Variants in DENND2B observed in about 807,000 individuals in gnomAD.
The protein encoded by DENND2B is DENN domain-containing protein 2B.
Under a neutral mutation model 116.0 loss-of-function variants are expected in DENND2B, and 32 were observed. The ratio of observed to expected loss-of-function variants is 0.28; its 90% CI spans 0.21 to 0.37. DENND2B has a LOEUF of 0.37. Ranked by LOEUF, DENND2B falls within the 10% of genes least tolerant of loss-of-function variation. The pLI, the probability that DENND2B is intolerant of heterozygous loss-of-function variation, is 1.00. For missense variants in DENND2B, 1,276 were observed against 1,477.7 expected (o/e 0.86, Z 2.24); for synonymous variants, 588 against 583.9 (o/e 1.01, Z -0.10).
In DENND2B at chr11:8,778,720, T is replaced by C. The variant is rs1196658364; in HGVS notation, c.-25-27995A>G. On this transcript the variant is annotated intron_variant, in intron 1 of 19. Coordinates refer to ENST00000313726, the MANE Select transcript of DENND2B (RefSeq NM_213618.2). Reference sequence around the variant, plus strand: ...CCACATTAGTCACTGCTGCATGGGGTGCCGGCCATCACCTCTCTCTCTTCT... The same window carrying C: ...CCACATTAGTCACTGCTGCATGGGGCGCCGGCCATCACCTCTCTCTCTTCT... Among the ~76,000 whole-genome samples the C allele has an allele frequency of 7.2e-5, 11 of 152,166 alleles. No individual in the cohort carries two copies. In the East Asian group the frequency reaches 2.1e-3, roughly 29 times the overall value.
chr11:8,744,904 C>T (rs1225768150), intron 2 of DENND2B, among the ~76,000 whole-genome samples: 1 of 149,182 alleles, frequency 6.7e-6, no homozygotes, highest in Non-Finnish European at 1.5e-5. Flanking sequence ...CCCCAAAAGT[C>T]TCATCTACAT....
intron 4 of DENND2B, among the ~76,000 whole-genome samples, chr11:8,721,594 C>A (rs1272113634): frequency 1.3e-5 from 2 of 152,184 alleles, no homozygotes; most frequent in Non-Finnish European, 2.9e-5. Flanking sequence ...GGATAAGAGC[C>A]CAACTCCCTG....
At chr11:8,695,361 T>G in intron 19 of DENND2B, 102 bp downstream of exon 19, 1 of 1,097,504 alleles carries the variant, frequency 9.1e-7, no homozygotes. Flanking sequence ...ACAGCCCCAG[T>G]ATAACACCTG....
intron 3 of DENND2B, among the ~76,000 whole-genome samples, chr11:8,849,439 G>A (rs1342367209): frequency 7.3e-6 from 1 of 137,604 alleles, no homozygotes; most frequent in Non-Finnish European, 1.5e-5. Context: ...GTTGCCATGA[G>A]CCGAGATCAC....
At chr11:8,699,094 T>C (rs1396965471) in intron 15 of DENND2B, 119 bp downstream of exon 15, 39 of 1,530,044 alleles carry the variant, frequency 2.5e-5, no homozygotes, top group South Asian at 6.3e-5. Context: ...CAGCCGGGGA[T>C]AGACCTCCCA....
At chr11:8,853,854 A>AT (rs944351158) in intron 3 of DENND2B, among the ~76,000 whole-genome samples, 66 of 146,022 alleles carry the variant, frequency 4.5e-4, no homozygotes, top group East Asian at 7.9e-4. Flanking sequence ...TATATTTTTA[A>AT]TTTTTTTTTT....
intron 1 of DENND2B, among the ~76,000 whole-genome samples, chr11:8,886,846 T>C (rs2063966575): frequency 6.6e-6 from 1 of 152,084 alleles, no homozygotes; most frequent in South Asian, 2.1e-4. Context: ...GGCAGGGGTG[T>C]AGACAGAGTT....
chr11:8,883,979 C>A (rs139769378), intron 1 of DENND2B, among the ~76,000 whole-genome samples: 4 of 152,316 alleles, frequency 2.6e-5, no homozygotes, highest in African/African-American at 4.8e-5. Flanking sequence ...TCCAGTACTG[C>A]CCTCAATGGT....
chr11:8,896,220 A>C (rs2064099821), intron 1 of DENND2B, among the ~76,000 whole-genome samples: 1 of 152,192 alleles, frequency 6.6e-6, no homozygotes, highest in Admixed American at 6.5e-5. Flanking sequence ...AATACATTCC[A>C]GTATCAATGC....
At chr11:8,768,441 G>A (rs940257910) in intron 1 of DENND2B, among the ~76,000 whole-genome samples, 1 of 152,080 alleles carries the variant, frequency 6.6e-6, no homozygotes, top group East Asian at 1.9e-4. Flanking sequence ...AGAGATACGG[G>A]TTTTGCTATT....
At chr11:8,801,214 T>G (rs1257710286) in intron 1 of DENND2B, among the ~76,000 whole-genome samples, 4 of 152,016 alleles carry the variant, frequency 2.6e-5, no homozygotes, top group Admixed American at 2.6e-4. Flanking sequence ...CAGACTCCCC[T>G]TCTGGTTTAT....
At chr11:8,741,162 GTCCCTACAGC>G (rs2050134950) in intron 2 of DENND2B, among the ~76,000 whole-genome samples, 1 of 152,210 alleles carries the variant, frequency 6.6e-6, no homozygotes, top group Non-Finnish European at 1.5e-5. Flanking sequence ...GATTTTCCAG[GTCCCTACAGC>G]TTGTCAGAGT....
At chr11:8,866,254 C>T (rs1046721915) in intron 2 of DENND2B, among the ~76,000 whole-genome samples, 2 of 152,208 alleles carry the variant, frequency 1.3e-5, no homozygotes, top group Non-Finnish European at 2.9e-5. Flanking sequence ...CCACCGCACC[C>T]GACCTGCAGT....
intron 3 of DENND2B, among the ~76,000 whole-genome samples, chr11:8,854,548 G>A (rs1420454373): frequency 1.3e-5 from 2 of 152,118 alleles, no homozygotes; most frequent in Non-Finnish European, 2.9e-5. Flanking sequence ...TTTCTATTCT[G>A]TAGTTTTCTA....
At position 8,704,242 on chromosome 11, in the gene DENND2B, T is replaced by C. The variant is rs191158364; in HGVS notation, c.2572-1522A>G. 1.5e-3 allele frequency among the ~76,000 whole-genome samples: 223 copies of C among 152,252 alleles called. 1 individual carries two copies. Among genetic ancestry groups the C allele is most frequent in the Non-Finnish European group, 4.3e-4 (29 of 68,024 alleles). On this transcript the variant is annotated intron_variant, in intron 13 of 19. Coordinates refer to ENST00000313726, the MANE Select transcript of DENND2B (RefSeq NM_213618.2). ...CATCTGCACAGGGACAGGCAGGACA[T>C]CTAGAAGGGCAGCCAAGCTCATGTG...
At chr11:8,716,549 C>T (rs1341735696) in intron 5 of DENND2B, among the ~76,000 whole-genome samples, 1 of 152,236 alleles carries the variant, frequency 6.6e-6, no homozygotes, top group Non-Finnish European at 1.5e-5. Flanking sequence ...AGCAAATCCT[C>T]CTTCCTCCAC....
In DENND2B at chr11:8,729,961, C is replaced by T; in HGVS notation, c.1329G>A (p.Lys443=). The T allele has an allele frequency of 1.2e-6, 2 of 1,614,112 alleles. No individual in the cohort carries two copies. Among genetic ancestry groups the T allele is most frequent in the Non-Finnish European group, 1.7e-6 (2 of 1,179,990 alleles). ...RPKKDMRGHR[K]SQSRKSFEFE... ...GGGGCATGCATTACCTGCTCTGGGA[C>T]TTGCGGTGACCACGCATGTCCTTCT... The change falls in exon 3 of 20, where the codon AAG becomes AAA. Residue 443 remains lysine (K), a synonymous_variant. Transcript: ENST00000313726.
rs143528796 is a variant in DENND2B at position 8,783,835 on chromosome 11, A to T, written c.-26+26682T>A. Among the ~76,000 whole-genome samples the T allele has an allele frequency of 2.4e-3, 366 of 152,342 alleles. 3 individuals carry two copies. Among genetic ancestry groups the T allele is most frequent in the African/African-American group, 8.2e-3 (343 of 41,582 alleles). ...AAAAGCTCTACCGAAACGAAGAGCC[A>T]GGAGGAAGAGCAAGGCTTAGAGGTT... On this transcript the variant is annotated intron_variant, in intron 1 of 19. Transcript: ENST00000313726.
chr11:8,798,828 C>CTTT (rs200890965), intron 1 of DENND2B, among the ~76,000 whole-genome samples: 7 of 134,178 alleles, frequency 5.2e-5, no homozygotes, highest in Middle Eastern at 3.9e-3. Flanking sequence ...TTTCCGGTTG[C>CTTT]TTTTTTTTTT....
Sources: gnomAD v4.1 joint callset for allele counts (sites outside exome capture counted in the v4.1 genomes callset) on GRCh38, gnomAD v4.1.1 for gene constraint, MANE v1.5 for transcripts, NCBI Gene and HGNC (gene_info 2026-07-23, HGNC 2026-07-21) for gene names.